Variants in NFU1 observed in about 807,000 individuals in gnomAD.
NFU1 encodes the protein NFU1 iron-sulfur cluster scaffold.
A neutral mutation model predicts 32.2 loss-of-function variants in NFU1; 30 were observed. The ratio of observed to expected loss-of-function variants is 0.93; its 90% CI spans 0.70 to 1.26. The LOEUF (loss-of-function observed/expected upper bound fraction) is 1.26, where lower values mean the gene tolerates loss of function less well. NFU1 is among the 50% of genes most tolerant of loss of function. The probability of loss-of-function intolerance (pLI) is 0.00; values close to 1 mark genes in which losing one functional copy is unlikely to be tolerated. For synonymous variants in NFU1, 112 were observed against 104.6 expected (o/e 1.07, Z -0.43); for missense variants, 306 against 306.6 (o/e 1.00, Z 0.02).
At chr2:69,397,986 T>G (rs186704512) in intron 7 of NFU1, among the ~76,000 whole-genome samples, 1 of 151,778 alleles carries the variant, frequency 6.6e-6, no homozygotes, top group Admixed American at 6.6e-5. Context: ...AATTCTTTCA[T>G]AGGCTGTCTT....
At chr2:69,412,829 G>C (rs1323900033) in intron 5 of NFU1, among the ~76,000 whole-genome samples, 1 of 138,376 alleles carries the variant, frequency 7.2e-6, no homozygotes, top group Admixed American at 7.6e-5. Context: ...CTGCACTCCA[G>C]TTTGGGTGAC....
intron 3 of NFU1, among the ~76,000 whole-genome samples, chr2:69,422,077 T>C (rs916358882): frequency 2.6e-5 from 4 of 152,080 alleles, no homozygotes; most frequent in African/African-American, 9.7e-5. Flanking sequence ...ATTATAACAA[T>C]ATGCCAGCAA....
At chr2:69,406,836 TC>T (rs1311948980) in intron 5 of NFU1, among the ~76,000 whole-genome samples, 1 of 152,148 alleles carries the variant, frequency 6.6e-6, no homozygotes, top group East Asian at 1.9e-4. Flanking sequence ...GTTCCCATAA[TC>T]CCTATGTGTT....
At chr2:69,421,814 G>A (rs530325530) in intron 3 of NFU1, among the ~76,000 whole-genome samples, 5 of 151,486 alleles carry the variant, frequency 3.3e-5, no homozygotes, top group Non-Finnish European at 5.9e-5. Context: ...CGCCCGCCTC[G>A]GCCTCCCAAA....
Position 69,437,240 on chromosome 2 carries a change from A to T in NFU1, c.62+121T>A, listed in dbSNP as rs1673874699. On this transcript the variant is annotated intron_variant, in intron 1 of 7. Transcript: ENST00000410022. The stretch of plus-strand genomic sequence containing the variant: ...ACCCCCAACTACGGCGACAGGGCGG[A>T]CCCGCCGGCTCCATCAGATGCACTA... 5.4e-6 allele frequency: 8 copies of T among 1,489,522 alleles called. No individual in the cohort carries two copies. In the South Asian group the frequency reaches 9.2e-5, roughly 17 times the overall value. 92.3% of individuals were successfully genotyped at this position (1,489,522 alleles called of 1,614,324 possible).
chr2:69,433,488 T>G (rs1027513439), intron 1 of NFU1, among the ~76,000 whole-genome samples: 4 of 151,790 alleles, frequency 2.6e-5, no homozygotes, highest in Non-Finnish European at 5.9e-5. Context: ...CCCGTCTTTT[T>G]TTTTTGAGAC....
chr2:69,405,808 A>G (rs1672676005), intron 6 of NFU1, among the ~76,000 whole-genome samples: 1 of 152,196 alleles, frequency 6.6e-6, no homozygotes, highest in Non-Finnish European at 1.5e-5. Context: ...TCTTCATTGA[A>G]TATGTTTAAA....
At chr2:69,432,420 C>CA (rs1673669308) in intron 1 of NFU1, among the ~76,000 whole-genome samples, 1 of 151,944 alleles carries the variant, frequency 6.6e-6, no homozygotes, top group Non-Finnish European at 1.5e-5. Flanking sequence ...ACTAAAAATA[C>CA]AAAATTAGCC....
intron 6 of NFU1, among the ~76,000 whole-genome samples, chr2:69,402,875 G>A (rs1410094247): frequency 6.6e-5 from 10 of 151,116 alleles, no homozygotes; most frequent in Admixed American, 2.0e-4. Flanking sequence ...AAGCCACCGC[G>A]CCCGGTCTTT....
chr2:69,418,497 C>T (rs1234933460), intron 4 of NFU1, among the ~76,000 whole-genome samples: 3 of 151,908 alleles, frequency 2.0e-5, no homozygotes, highest in African/African-American at 7.2e-5. Context: ...GATGCAGTCT[C>T]GCTCTGTCGC....
chr2:69,414,602 A>G (rs1672991264), intron 5 of NFU1, among the ~76,000 whole-genome samples: 1 of 137,000 alleles, frequency 7.3e-6, no homozygotes, highest in Non-Finnish European at 1.5e-5. Context: ...GGGGTGACAG[A>G]GTGAGAGTCT....
intron 2 of NFU1, among the ~76,000 whole-genome samples, chr2:69,425,327 C>T (rs7574839): frequency 0.66 from 100,546 of 151,366 alleles, 34,544 homozygotes; most frequent in African/African-American, 0.85. Flanking sequence ...TGTCCAGCTC[C>T]GGGGCCAAGT....
At chr2:69,405,221 G>A (rs373608736) in intron 6 of NFU1, among the ~76,000 whole-genome samples, 3 of 152,112 alleles carry the variant, frequency 2.0e-5, no homozygotes, top group African/African-American at 7.2e-5. Flanking sequence ...CTGGGTGACA[G>A]AGCAAGACTC....
At chr2:69,411,850 C>T (rs1481739657) in intron 5 of NFU1, among the ~76,000 whole-genome samples, 1 of 152,144 alleles carries the variant, frequency 6.6e-6, no homozygotes, top group Non-Finnish European at 1.5e-5. Flanking sequence ...GCCTTCACCT[C>T]CCCAAGTGCT....
At chr2:69,428,200 G>A (rs962581895) in intron 2 of NFU1, among the ~76,000 whole-genome samples, 1 of 151,062 alleles carries the variant, frequency 6.6e-6, no homozygotes, top group African/African-American at 2.4e-5. Flanking sequence ...CAAGGCAGGC[G>A]GATCACCTGA....
At position 69,434,747 on chromosome 2, in the gene NFU1, C is replaced by T. The variant is rs116292131; in HGVS notation, c.62+2614G>A. Among the ~76,000 whole-genome samples, 1,407 of 152,276 alleles carry T rather than the reference C, an allele frequency of 9.2e-3. 21 individuals carry two copies. Among genetic ancestry groups the T allele is most frequent in the African/African-American group, 0.031 (1,296 of 41,552 alleles). ...CACTGTCCAGATACTGCTAATTCAT[C>T]AAGACAGGGGATTTGCAATAAAGAG... On this transcript the variant is annotated intron_variant, in intron 1 of 7. Coordinates refer to ENST00000410022, the MANE Select transcript of NFU1 (RefSeq NM_001002755.4).
rs1176789366 is a variant in NFU1, at chr2:69,432,023, T to C, written c.63-18A>G. 3 of 1,506,892 alleles carry C rather than the reference T, an allele frequency of 2.0e-6. No individual in the cohort carries two copies. Among genetic ancestry groups the C allele is most frequent in the Non-Finnish European group, 2.8e-6 (3 of 1,081,976 alleles). 93.3% of individuals were successfully genotyped at this position (1,506,892 alleles called of 1,614,324 possible). On this transcript the variant is annotated intron_variant, in intron 1 of 7. Transcript: ENST00000410022. ...GACAGAACCTGCATTTAAAAGCACA[T>C]AATGAATGACATTTTAAGAGCTCTA...
intron 5 of NFU1, among the ~76,000 whole-genome samples, chr2:69,412,927 C>T (rs1194854427): frequency 6.7e-6 from 1 of 150,054 alleles, no homozygotes; most frequent in Non-Finnish European, 1.5e-5. Context: ...AGAAAATTCA[C>T]TGACAAGAAA....
intron 6 of NFU1, among the ~76,000 whole-genome samples, chr2:69,404,775 ACG>A (rs2104746406): frequency 6.6e-6 from 1 of 150,558 alleles, no homozygotes; most frequent in East Asian, 2.0e-4. Context: ...GCCCACCACC[ACG>A]CCTGGCTAAT....
Sources: gnomAD v4.1 joint callset for allele counts (sites outside exome capture counted in the v4.1 genomes callset) on GRCh38, gnomAD v4.1.1 for gene constraint, MANE v1.5 for transcripts, NCBI Gene and HGNC (gene_info 2026-07-23, HGNC 2026-07-21) for gene names.